Variants in DLG2 observed in about 807,000 individuals in gnomAD.
DLG2 encodes the protein disks large homolog 2.
A neutral mutation model predicts 132.5 loss-of-function variants in DLG2; 45 were observed. The ratio of observed to expected loss-of-function variants is 0.34; its 90% CI spans 0.27 to 0.44. The LOEUF is 0.44. Ranked by LOEUF, DLG2 falls within the 20% of genes least tolerant of loss-of-function variation. The pLI, the probability that DLG2 is intolerant of heterozygous loss-of-function variation, is 1.00. For synonymous variants in DLG2, 424 were observed against 419.6 expected, an observed-to-expected ratio of 1.01 and a Z score of -0.13; for missense variants, 1,045 against 1,196.9, an observed-to-expected ratio of 0.87 and a Z score of 1.87.
At chr11:84,295,758 T>C (rs2098081681) in intron 7 of DLG2, among the ~76,000 whole-genome samples, 1 of 152,166 alleles carries the variant, frequency 6.6e-6, no homozygotes, top group African/African-American at 2.4e-5. Flanking sequence ...AATTCAAACA[T>C]GAATTCACAT....
In DLG2 at chr11:85,185,509, T is replaced by C. The variant is rs576641486; in HGVS notation, c.187-30858A>G. ...TGCAGTTTCTACAGAACTTTGCCCA[T>C]GCTCATGTAGAGTATCTCATTGTGA... On this transcript the variant is annotated intron_variant, in intron 4 of 27. Coordinates refer to ENST00000376104, the MANE Select transcript of DLG2 (RefSeq NM_001142699.3). Among the ~76,000 whole-genome samples the C allele has an allele frequency of 6.3e-4, 96 of 152,120 alleles. No homozygotes were observed. In the South Asian group the frequency reaches 0.019, roughly 30 times the overall value.
At chr11:84,835,218 T>G (rs539943656) in intron 6 of DLG2, among the ~76,000 whole-genome samples, 1 of 151,688 alleles carries the variant, frequency 6.6e-6, no homozygotes, top group African/African-American at 2.4e-5. Context: ...GGGATACTTT[T>G]GTTTTGAAAA....
chr11:84,197,049 A>G (rs2096530063), intron 8 of DLG2, among the ~76,000 whole-genome samples: 1 of 151,078 alleles, frequency 6.6e-6, no homozygotes, highest in African/African-American at 2.4e-5. Context: ...AAAAAAAAAA[A>G]AAAAAAAGAA....
intron 6 of DLG2, among the ~76,000 whole-genome samples, chr11:84,930,764 G>A (rs1349957165): frequency 6.6e-6 from 1 of 152,024 alleles, no homozygotes; most frequent in Non-Finnish European, 1.5e-5. Context: ...TCCTCCTTAT[G>A]ACAATTTATA....
At chr11:85,309,559 A>T (rs1301779096) in intron 3 of DLG2, among the ~76,000 whole-genome samples, 5 of 152,140 alleles carry the variant, frequency 3.3e-5, no homozygotes, top group African/African-American at 1.2e-4. Context: ...CCCAATAGGC[A>T]TTTAAATGAA....
At chr11:85,507,548 T>C (rs1430997490) in intron 3 of DLG2, among the ~76,000 whole-genome samples, 1 of 152,234 alleles carries the variant, frequency 6.6e-6, no homozygotes, top group Admixed American at 6.5e-5. Flanking sequence ...CCACACTTTC[T>C]TATGGCTTGC....
At chr11:84,358,995 C>A (rs2098634351) in intron 7 of DLG2, among the ~76,000 whole-genome samples, 1 of 151,816 alleles carries the variant, frequency 6.6e-6, no homozygotes, top group Admixed American at 6.6e-5. Flanking sequence ...AGAGATACAG[C>A]ATGTCAGGTT....
At chr11:84,426,923 A>G (rs1267506170) in intron 7 of DLG2, among the ~76,000 whole-genome samples, 2 of 152,142 alleles carry the variant, frequency 1.3e-5, no homozygotes, top group African/African-American at 4.8e-5. Context: ...TTTTATAAGG[A>G]GGATCTAGAA....
At chr11:84,573,886 T>C (rs1336382088) in intron 6 of DLG2, among the ~76,000 whole-genome samples, 1 of 152,144 alleles carries the variant, frequency 6.6e-6, no homozygotes, top group African/African-American at 2.4e-5. Context: ...ACAAAACTTA[T>C]GAATAACTGA....
At chr11:85,505,754 C>G (rs950437623) in intron 3 of DLG2, among the ~76,000 whole-genome samples, 2 of 152,140 alleles carry the variant, frequency 1.3e-5, no homozygotes, top group African/African-American at 4.8e-5. Flanking sequence ...AGGGAGGATT[C>G]CCGCTTTTTC....
chr11:85,444,421 T>G (rs994889077), intron 3 of DLG2, among the ~76,000 whole-genome samples: 8 of 152,204 alleles, frequency 5.3e-5, no homozygotes, highest in African/African-American at 1.9e-4. Context: ...AATATCAGTT[T>G]GTTTTCAGGA....
At chr11:84,117,255 T>C (rs1250263101) in intron 9 of DLG2, among the ~76,000 whole-genome samples, 6 of 152,242 alleles carry the variant, frequency 3.9e-5, no homozygotes, top group Non-Finnish European at 8.8e-5. Flanking sequence ...GTATTTGCCT[T>C]ATTTTCTAGC....
chr11:84,820,729 C>CT (rs137917172), intron 6 of DLG2, among the ~76,000 whole-genome samples: 43,122 of 147,748 alleles, frequency 0.29, 6,478 homozygotes, highest in Middle Eastern at 0.34. Context: ...AGTGAAATAC[C>CT]TTTTTTTTTT....
chr11:84,704,793 C>A (rs2059605694), intron 6 of DLG2, among the ~76,000 whole-genome samples: 1 of 150,924 alleles, frequency 6.6e-6, no homozygotes, highest in African/African-American at 2.4e-5. Flanking sequence ...TTGATTGGTT[C>A]TTCTAGACAG....
chr11:84,592,185 T>G (rs186937521), intron 6 of DLG2, among the ~76,000 whole-genome samples: 1 of 152,142 alleles, frequency 6.6e-6, no homozygotes, highest in Non-Finnish European at 1.5e-5. Context: ...AGCTCACCGG[T>G]TGGTTGCTAA....
At chr11:84,684,529 T>A (rs2099736361) in intron 6 of DLG2, among the ~76,000 whole-genome samples, 1 of 152,128 alleles carries the variant, frequency 6.6e-6, no homozygotes, top group Admixed American at 6.5e-5. Flanking sequence ...ATGGGTACCC[T>A]TCTCTAGAGT....
At position 85,238,040 on chromosome 11, in the gene DLG2, T is replaced by C. The variant is rs370796851; in HGVS notation, c.186+47180A>G. ...CTTACTAGTAAATATTCTTTGTGGA[T>C]TTTTTTTCCAGAATAGGGCAGGTTT... On this transcript the variant is annotated intron_variant, in intron 4 of 27. Coordinates refer to ENST00000376104, the MANE Select transcript of DLG2 (RefSeq NM_001142699.3). Among the ~76,000 whole-genome samples the C allele has an allele frequency of 3.7e-4, 56 of 151,858 alleles. No individual in the cohort carries two copies. In the South Asian group the frequency reaches 0.012, roughly 31 times the overall value.
chr11:83,631,303 C>G (rs1009592592), intron 19 of DLG2: 2 of 150,088 alleles, frequency 1.3e-5, no homozygotes, highest in African/African-American at 4.9e-5. Flanking sequence ...TTTCATGTCT[C>G]TTAGAGTCAT....
At chr11:84,816,014 C>T (rs557484706) in intron 6 of DLG2, among the ~76,000 whole-genome samples, 3 of 152,122 alleles carry the variant, frequency 2.0e-5, no homozygotes, top group Admixed American at 6.5e-5. Flanking sequence ...TGCCAGGATG[C>T]CTGTGTTTGG....
Sources: gnomAD v4.1 joint callset for allele counts (sites outside exome capture counted in the v4.1 genomes callset) on GRCh38, gnomAD v4.1.1 for gene constraint, MANE v1.5 for transcripts, NCBI Gene and HGNC (gene_info 2026-07-23, HGNC 2026-07-21) for gene names.